GRID1: variants seen among roughly 807,000 people sequenced by gnomAD.
The protein encoded by GRID1 is glutamate ionotropic receptor delta type subunit 1.
In GRID1, 28 loss-of-function variants were observed where a neutral mutation model predicts 98.0. The ratio of observed to expected loss-of-function variants is 0.29; its 90% CI spans 0.21 to 0.39. GRID1 has a LOEUF of 0.39. Among genes scored for constraint, GRID1 ranks in the 10% least tolerant of loss-of-function variants. The pLI is 1.00. For missense variants in GRID1, 1,111 were observed against 1,340.5 expected, an observed-to-expected ratio of 0.83 and a Z score of 2.67; for synonymous variants, 553 against 538.5, an observed-to-expected ratio of 1.03 and a Z score of -0.37.
In GRID1 at chr10:85,678,175, C is replaced by T. The variant is rs570150218; in HGVS notation, c.1998-30778G>A. Among the ~76,000 whole-genome samples the T allele has an allele frequency of 2.0e-5, 3 of 152,190 alleles. No individual in the cohort carries two copies. The South Asian group carries it at 6.2e-4, about 32-fold the overall frequency. ...TCCCTAAGAAGCATTTCAATTGAGG[C>T]CTCAGTTGAGCAGGAAGGTCAGGGT... On this transcript the variant is annotated intron_variant, in intron 12 of 15. Transcript: ENST00000327946.
rs116261192 is a variant in GRID1, at chr10:86,241,718, T to C, written c.236-35070A>G. 2.5e-3 allele frequency among the ~76,000 whole-genome samples: 379 copies of C among 152,348 alleles called. 2 individuals are homozygous for C. Among genetic ancestry groups the C allele is most frequent in the South Asian group, 8.5e-3 (41 of 4,824 alleles). On this transcript the variant is annotated intron_variant, in intron 2 of 15. Coordinates refer to ENST00000327946, the MANE Select transcript of GRID1 (RefSeq NM_017551.3). ...CAATTCCACAATATAATTAATTAGT[T>C]ATGAGTGATCTAGTGCAAGTTCCTA...
At chr10:85,737,715 T>TTA (rs56397748) in intron 8 of GRID1, among the ~76,000 whole-genome samples, 75,554 of 129,170 alleles carry the variant, frequency 0.58, 24,123 homozygotes, top group African/African-American at 0.8. Context: ...ACATACATGT[T>TTA]TATATATATA....
At chr10:86,359,728 T>A (rs776557588) in intron 2 of GRID1, among the ~76,000 whole-genome samples, 2 of 152,238 alleles carry the variant, frequency 1.3e-5, no homozygotes, top group African/African-American at 2.4e-5. Flanking sequence ...ATGAGAAGAC[T>A]CGTGCTCAGC....
intron 4 of GRID1, among the ~76,000 whole-genome samples, chr10:85,942,399 T>C (rs1193335397): frequency 6.6e-6 from 1 of 152,198 alleles, no homozygotes; most frequent in Non-Finnish European, 1.5e-5. Flanking sequence ...CTGACTCTTA[T>C]GTCTCCAACT....
chr10:86,119,015 A>G (rs1474367063), intron 4 of GRID1, among the ~76,000 whole-genome samples: 1 of 152,128 alleles, frequency 6.6e-6, no homozygotes, highest in Non-Finnish European at 1.5e-5. Flanking sequence ...GACAAACAAA[A>G]CAAAACAAAA....
chr10:85,807,588 C>A (rs1382646837), intron 8 of GRID1, among the ~76,000 whole-genome samples: 1 of 151,786 alleles, frequency 6.6e-6, no homozygotes, highest in African/African-American at 2.4e-5. Context: ...TGAATATTAA[C>A]TGGAAAAAAA....
chr10:86,227,149 G>T (rs1303542343), intron 2 of GRID1, among the ~76,000 whole-genome samples: 1 of 152,234 alleles, frequency 6.6e-6, no homozygotes, highest in African/African-American at 2.4e-5. Flanking sequence ...GCTTCCCAGT[G>T]GGGAAGAGGC....
chr10:85,778,602 C>A (rs975141575), intron 8 of GRID1, among the ~76,000 whole-genome samples: 9 of 152,310 alleles, frequency 5.9e-5, no homozygotes, highest in Middle Eastern at 3.4e-3. Context: ...GGCAAGGAGA[C>A]AAGTTTGACC....
At chr10:85,640,386 G>A (rs144515648) in intron 13 of GRID1, among the ~76,000 whole-genome samples, 1 of 152,320 alleles carries the variant, frequency 6.6e-6, no homozygotes, top group East Asian at 1.9e-4. Flanking sequence ...CTGTTATAGA[G>A]AGCAGTATTT....
At chr10:85,784,354 T>C (rs1842406883) in intron 8 of GRID1, among the ~76,000 whole-genome samples, 1 of 152,158 alleles carries the variant, frequency 6.6e-6, no homozygotes, top group Admixed American at 6.5e-5. Context: ...TCCAGGAGGC[T>C]AATGGGTAGT....
At chr10:85,786,793 G>T (rs1006063537) in intron 8 of GRID1, among the ~76,000 whole-genome samples, 4 of 152,238 alleles carry the variant, frequency 2.6e-5, no homozygotes, top group Admixed American at 2.6e-4. Flanking sequence ...TTGTGCAGAA[G>T]GCAATGAACC....
chr10:85,894,486 G>C (rs916775196), intron 5 of GRID1, among the ~76,000 whole-genome samples: 2 of 152,152 alleles, frequency 1.3e-5, no homozygotes, highest in African/African-American at 2.4e-5. Context: ...AGATTAGGTA[G>C]AGGTAGAAAT....
At chr10:86,318,094 A>G (rs1315978268) in intron 2 of GRID1, among the ~76,000 whole-genome samples, 1 of 152,038 alleles carries the variant, frequency 6.6e-6, no homozygotes. Context: ...CCCAAGCAGA[A>G]AAAAAGGCCC....
At chr10:86,313,571 T>C (rs2132090005) in intron 2 of GRID1, among the ~76,000 whole-genome samples, 1 of 152,314 alleles carries the variant, frequency 6.6e-6, no homozygotes, top group Admixed American at 6.5e-5. Context: ...GGAGTCTCCG[T>C]GGCAGGGAAA....
rs116829243 is a variant in GRID1 at position 85,849,854 on chromosome 10, C to T, written c.1233+4642G>A. Among the ~76,000 whole-genome samples the T allele has an allele frequency of 1.9e-3, 288 of 152,328 alleles. 2 individuals carry two copies. The highest frequency in any genetic ancestry group is 6.7e-3 in the African/African-American group (280 of 41,562). ...ACATTTGGGTCCCAGCAAGATCCTG[C>T]TTGACCAGACTTTGTAGGGCCAGAG... On this transcript the variant is annotated intron_variant, in intron 8 of 15. Coordinates refer to ENST00000327946, the MANE Select transcript of GRID1 (RefSeq NM_017551.3).
chr10:86,056,943 A>G (rs1031706333), intron 4 of GRID1, among the ~76,000 whole-genome samples: 1 of 152,244 alleles, frequency 6.6e-6, no homozygotes, highest in Admixed American at 6.5e-5. Flanking sequence ...TGCTTCCTGC[A>G]GAGCTGGCGA....
At chr10:85,694,505 C>T (rs1841367456) in intron 12 of GRID1, among the ~76,000 whole-genome samples, 1 of 137,692 alleles carries the variant, frequency 7.3e-6, no homozygotes, top group Non-Finnish European at 1.5e-5. Context: ...ATGAAATCAA[C>T]TTAAATGTCC....
intron 4 of GRID1, among the ~76,000 whole-genome samples, chr10:85,970,132 C>A (rs1262103511): frequency 6.6e-6 from 1 of 151,890 alleles, no homozygotes; most frequent in Non-Finnish European, 1.5e-5. Flanking sequence ...AAACAGAATT[C>A]CTGAATATAC....
At chr10:86,359,048 A>C (rs1401659138) in intron 2 of GRID1, among the ~76,000 whole-genome samples, 1 of 152,234 alleles carries the variant, frequency 6.6e-6, no homozygotes, top group East Asian at 1.9e-4. Context: ...ATTTTAGCCC[A>C]GTGAGACCCA....
Sources: gnomAD v4.1 joint callset for allele counts (sites outside exome capture counted in the v4.1 genomes callset) on GRCh38, gnomAD v4.1.1 for gene constraint, MANE v1.5 for transcripts, NCBI Gene and HGNC (gene_info 2026-07-23, HGNC 2026-07-21) for gene names.